Variants in HECW1 observed in about 807,000 individuals in gnomAD.
HECW1 encodes E3 ubiquitin-protein ligase HECW1.
HECW1 carries 61 observed loss-of-function variants against 182.3 expected under a neutral mutation model. The ratio of observed to expected loss-of-function variants is 0.33; its 90% CI spans 0.27 to 0.41. HECW1 has a LOEUF of 0.41. HECW1 is among the 10% of genes least tolerant of loss of function. The pLI is 1.00. For synonymous variants in HECW1, 859 were observed against 832.6 expected (o/e 1.03, Z -0.55); for missense variants, 1,739 against 2,108.9 (o/e 0.82, Z 3.44).
At chr7:43,549,095 C>A (rs1037159940) in intron 26 of HECW1, among the ~76,000 whole-genome samples, 2 of 152,148 alleles carry the variant, frequency 1.3e-5, no homozygotes, top group Non-Finnish European at 2.9e-5. Context: ...TCAGTGCAGC[C>A]GGACAAAGGA....
At chr7:43,491,043 G>A (rs907667741) in intron 17 of HECW1, among the ~76,000 whole-genome samples, 7 of 152,088 alleles carry the variant, frequency 4.6e-5, no homozygotes, top group South Asian at 2.1e-4. Flanking sequence ...GTGAGCCACC[G>A]CACTGGCAAA....
chr7:43,462,553 T>A (rs1433639130), intron 13 of HECW1, among the ~76,000 whole-genome samples: 2 of 152,124 alleles, frequency 1.3e-5, no homozygotes. Flanking sequence ...CCAAACCTAC[T>A]GAATCGGAGA....
intron 21 of HECW1, among the ~76,000 whole-genome samples, chr7:43,505,831 C>T (rs2079556136): frequency 6.6e-6 from 1 of 152,148 alleles, no homozygotes; most frequent in African/African-American, 2.4e-5. Context: ...GGTTTTCTTT[C>T]CTTCATGGAT....
At chr7:43,445,727 T>G (rs1194919635) in intron 11 of HECW1, among the ~76,000 whole-genome samples, 157 bp downstream of exon 11, 1 of 152,238 alleles carries the variant, frequency 6.6e-6, no homozygotes, top group African/African-American at 2.4e-5. Flanking sequence ...CATGTGTATC[T>G]GTGTATGAGC....
chr7:43,220,842 G>T (rs1796879963), intron 2 of HECW1, among the ~76,000 whole-genome samples: 1 of 152,232 alleles, frequency 6.6e-6, no homozygotes, highest in Admixed American at 6.5e-5. Context: ...CCAGTTTCTT[G>T]TGAGCTTTCC....
intron 5 of HECW1, among the ~76,000 whole-genome samples, chr7:43,355,090 A>G (rs1814945670): frequency 6.6e-6 from 1 of 152,106 alleles, no homozygotes; most frequent in African/African-American, 2.4e-5. Flanking sequence ...CTTCAAATAC[A>G]GAAAAGAGAT....
At position 43,374,545 on chromosome 7, in the gene HECW1, C is replaced by T. The variant is rs918176510; in HGVS notation, c.555+13565C>T. 3.9e-5 allele frequency among the ~76,000 whole-genome samples: 2 copies of T among 51,802 alleles called. 1 individual carries two copies. The highest frequency in any genetic ancestry group is 4.0e-4 in the African/African-American group (2 of 4,996). The allele number at this position is 51,802 out of a possible 152,430, so 34.0% of individuals were successfully genotyped here. ...ACAGATGCACTTTGGGAGGCCGAGG[C>T]GGGCGGATCACGAGGTCAGGAGATC... On this transcript the variant is annotated intron_variant, in intron 6 of 29. Coordinates refer to ENST00000395891, the MANE Select transcript of HECW1 (RefSeq NM_015052.5).
Position 43,456,405 on chromosome 7 carries a change from G to A in HECW1, c.2609G>A (p.Arg870Gln), listed in dbSNP as rs571791029. 21 of 1,614,040 alleles carry A rather than the reference G, an allele frequency of 1.3e-5. No individual in the cohort carries two copies. The highest frequency in any genetic ancestry group is 1.1e-4 in the South Asian group (10 of 91,026). The change falls in exon 13 of 30, where the codon CGG becomes CAG. Residue 870 changes from arginine to glutamine, a missense_variant. Arg to Gln is a conservative substitution (Grantham distance 43). Coordinates refer to ENST00000395891, the MANE Select transcript of HECW1 (RefSeq NM_015052.5). ...GCAGCAGCCACCCCGGATGGCATGCGGAGATCGGGGTCCATCCAGCAGATG... is the reference window on the plus strand; with the variant it reads ...GCAGCAGCCACCCCGGATGGCATGCAGAGATCGGGGTCCATCCAGCAGATG... ...PTAAATPDGM[R>Q]RSGSIQQMEQ... is the part of the protein sequence containing the mutation.
intron 2 of HECW1, among the ~76,000 whole-genome samples, chr7:43,194,870 T>A (rs745797888): frequency 1.3e-5 from 2 of 152,000 alleles, no homozygotes; most frequent in Non-Finnish European, 2.9e-5. Context: ...CTTTTTGTAT[T>A]TTTAGTAGAG....
intron 2 of HECW1, among the ~76,000 whole-genome samples, chr7:43,137,567 T>TATTTATTTA (rs71008893): frequency 6.7e-6 from 1 of 148,698 alleles, no homozygotes; most frequent in African/African-American, 2.5e-5. Flanking sequence ...TTTATTTATT[T>TATTTATTTA]GAGACAGGGT....
At position 43,466,567 on chromosome 7, in the gene HECW1, A is replaced by G. The variant is rs1446026403; in HGVS notation, c.2912A>G (p.Tyr971Cys). Residue 971 changes from tyrosine to cysteine, a missense_variant and splice_region_variant, in exon 15 of 30, where the codon TAT becomes TGT. Tyr to Cys is a radical substitution (Grantham distance 194). Transcript: ENST00000395891. ...TTCTTCACTGTGCTACATGCCAATTATGTGAGTGCCCTAAAATGCAGAGGG... is the reference window on the plus strand; with the variant it reads ...TTCTTCACTGTGCTACATGCCAATTGTGTGAGTGCCCTAAAATGCAGAGGG... ...PEFFTVLHANYSAYRVFTSST... is the reference protein window; with the variant it reads ...PEFFTVLHANCSAYRVFTSST... 1 of 1,612,850 alleles carries G rather than the reference A, an allele frequency of 6.2e-7. No individual in the cohort carries two copies. The highest frequency in any genetic ancestry group is 8.5e-7 in the Non-Finnish European group (1 of 1,179,716).
intron 16 of HECW1, among the ~76,000 whole-genome samples, chr7:43,479,114 T>C (rs886443069): frequency 6.6e-5 from 10 of 152,222 alleles, no homozygotes; most frequent in Admixed American, 3.3e-4. Context: ...ACATTTATTA[T>C]GCACTTTATT....
At chr7:43,274,650 A>C (rs1802869879) in intron 3 of HECW1, 1 of 333,354 alleles carries the variant, frequency 3.0e-6, no homozygotes. Flanking sequence ...GGAGGGAGAG[A>C]GAGAGAGAGA....
chr7:43,392,429 C>G (rs1038334129), intron 6 of HECW1, among the ~76,000 whole-genome samples: 1 of 152,230 alleles, frequency 6.6e-6, no homozygotes, highest in Non-Finnish European at 1.5e-5. Flanking sequence ...TTCCAAGAGG[C>G]AGCTTAGAAA....
chr7:43,234,948 G>A (rs1395475425), intron 2 of HECW1, among the ~76,000 whole-genome samples: 1 of 152,224 alleles, frequency 6.6e-6, no homozygotes, highest in African/African-American at 2.4e-5. Context: ...CGCCTTTCAT[G>A]ACTATCTGGG....
intron 3 of HECW1, among the ~76,000 whole-genome samples, chr7:43,259,910 A>G (rs1800989379): frequency 6.6e-6 from 1 of 152,240 alleles, no homozygotes; most frequent in African/African-American, 2.4e-5. Context: ...AAGAAATAAC[A>G]GCTGAAATAT....
intron 16 of HECW1, among the ~76,000 whole-genome samples, chr7:43,470,621 C>G (rs2077980753): frequency 6.6e-6 from 1 of 152,162 alleles, no homozygotes; most frequent in South Asian, 2.1e-4. Flanking sequence ...CTGACAAGAC[C>G]TCTTCCCCCT....
At chr7:43,292,056 C>G (rs1584353349) in intron 3 of HECW1, among the ~76,000 whole-genome samples, 1 of 152,208 alleles carries the variant, frequency 6.6e-6, no homozygotes, top group East Asian at 1.9e-4. Context: ...GAAACTCTTA[C>G]AAATGGAGAT....
intron 3 of HECW1, among the ~76,000 whole-genome samples, chr7:43,307,986 CATATA>C (rs1369732540): frequency 1.7e-5 from 2 of 115,838 alleles, no homozygotes; most frequent in African/African-American, 6.7e-5. Context: ...TATTATAGAA[CATATA>C]ATATATAATA....
Sources: allele counts gnomAD v4.1 joint callset (sites outside exome capture counted in the v4.1 genomes callset), GRCh38; gene constraint gnomAD v4.1.1; transcripts MANE v1.5; gene names NCBI Gene and HGNC (gene_info 2026-07-23, HGNC 2026-07-21).